Variants in RALA observed in about 807,000 individuals in gnomAD.
The protein encoded by RALA is RAS like proto-oncogene A.
Under a neutral mutation model 24.0 loss-of-function variants are expected in RALA, and 5 were observed. The ratio of observed to expected loss-of-function variants is 0.21; its 90% CI spans 0.11 to 0.44. RALA has a LOEUF of 0.44. Among genes scored for constraint, RALA ranks in the 20% least tolerant of loss-of-function variants. The pLI is 0.99. For synonymous variants in RALA, 77 were observed against 83.8 expected (o/e 0.92, Z 0.44); for missense variants, 95 against 241.2 (o/e 0.39, Z 4.01).
chr7:39,682,169 C>G (rs1300084932), intron 1 of RALA, among the ~76,000 whole-genome samples: 2 of 152,194 alleles, frequency 1.3e-5, no homozygotes, highest in African/African-American at 2.4e-5. Context: ...TTGTAAATAT[C>G]TGAAATGTAG....
chr7:39,634,690 TCGG>T, intron 1 of RALA, among the ~76,000 whole-genome samples: 1 of 152,230 alleles, frequency 6.6e-6, no homozygotes, highest in African/African-American at 2.4e-5. Flanking sequence ...AAGACAATTC[TCGG>T]TGCCTGCTAC....
intron 1 of RALA, among the ~76,000 whole-genome samples, chr7:39,635,072 A>G (rs930641786): frequency 2.6e-5 from 4 of 152,170 alleles, no homozygotes; most frequent in East Asian, 3.8e-4. Context: ...CAGTTTTGCC[A>G]GGTGTGGTGG....
intron 1 of RALA, among the ~76,000 whole-genome samples, chr7:39,674,271 T>C (rs1228261258): frequency 6.6e-6 from 1 of 152,170 alleles, no homozygotes; most frequent in African/African-American, 2.4e-5. Flanking sequence ...ACAGTTTCCA[T>C]GTGATTAAGT....
intron 1 of RALA, among the ~76,000 whole-genome samples, chr7:39,684,493 G>A (rs994764678): frequency 7.2e-5 from 11 of 151,882 alleles, no homozygotes; most frequent in African/African-American, 2.4e-4. Flanking sequence ...ACCTGAAGCC[G>A]CACCCAGTTC....
chr7:39,663,975 C>T (rs1583727405), intron 1 of RALA, among the ~76,000 whole-genome samples: 2 of 152,202 alleles, frequency 1.3e-5, no homozygotes, highest in East Asian at 3.8e-4. Flanking sequence ...GTCAAGATAA[C>T]ATGAGAAGCA....
chr7:39,700,085 C>T (rs753938670), intron 4 of RALA, among the ~76,000 whole-genome samples: 1 of 151,968 alleles, frequency 6.6e-6, no homozygotes, highest in Non-Finnish European at 1.5e-5. Flanking sequence ...GGAACCAATC[C>T]CCCATAGATA....
chr7:39,667,562 T>C (rs1285714397), intron 1 of RALA, among the ~76,000 whole-genome samples: 1 of 152,076 alleles, frequency 6.6e-6, no homozygotes, highest in Non-Finnish European at 1.5e-5. Flanking sequence ...CCCCACTGAG[T>C]CCTGAAGAGA....
intron 1 of RALA, among the ~76,000 whole-genome samples, chr7:39,674,683 A>G (rs908350282): frequency 6.6e-6 from 1 of 152,190 alleles, no homozygotes; most frequent in Non-Finnish European, 1.5e-5. Context: ...GAAGTGTTTC[A>G]AGATTTTTTT....
At chr7:39,666,520 G>A (rs1447759328) in intron 1 of RALA, among the ~76,000 whole-genome samples, 1 of 152,160 alleles carries the variant, frequency 6.6e-6, no homozygotes, top group Non-Finnish European at 1.5e-5. Flanking sequence ...TTTATATTCA[G>A]TGCCAAAGGG....
chr7:39,681,449 G>A (rs28429280), intron 1 of RALA, among the ~76,000 whole-genome samples: 1 of 151,102 alleles, frequency 6.6e-6, no homozygotes, highest in Admixed American at 6.6e-5. Context: ...CCTGCAAGTA[G>A]CTGGGATTAC....
At position 39,706,279 on chromosome 7, in the gene RALA, A is replaced by G. The variant is rs779316851; in HGVS notation, c.*34A>G. On this transcript the variant is annotated 3_prime_UTR_variant, in exon 5 of 5. Transcript: ENST00000005257. ...CAAACTCCTTTCTTATCTTGACCAT[A>G]CTAATAAATATAATTTATAAGCATT... The G allele has an allele frequency of 2.6e-6, 4 of 1,568,378 alleles. No homozygotes were observed. The highest frequency in any genetic ancestry group is 2.6e-6 in the Non-Finnish European group (3 of 1,162,818).
intron 4 of RALA, among the ~76,000 whole-genome samples, chr7:39,703,515 T>C (rs528945807): frequency 4.1e-4 from 62 of 152,350 alleles, no homozygotes; most frequent in African/African-American, 1.3e-3. Context: ...CTGACTTAAA[T>C]TTTATGCTTC....
chr7:39,653,774 C>G (rs970048997), intron 1 of RALA, among the ~76,000 whole-genome samples: 7 of 152,122 alleles, frequency 4.6e-5, no homozygotes, highest in Non-Finnish European at 1.0e-4. Context: ...CATTGTACTT[C>G]CAGGTGATAA....
chr7:39,679,860 G>A (rs943557561), intron 1 of RALA, among the ~76,000 whole-genome samples: 1 of 151,900 alleles, frequency 6.6e-6, no homozygotes, highest in Non-Finnish European at 1.5e-5. Context: ...ACAGCCGTGC[G>A]CCACCATGCC....
intron 1 of RALA, among the ~76,000 whole-genome samples, chr7:39,635,116 A>G (rs534292765): frequency 2.3e-4 from 35 of 152,284 alleles, no homozygotes; most frequent in Admixed American, 6.5e-4. Context: ...TTGGGCAGCC[A>G]AGGCAGGCAG....
At chr7:39,628,334 A>C (rs571207317) in intron 1 of RALA, among the ~76,000 whole-genome samples, 5 of 151,360 alleles carry the variant, frequency 3.3e-5, no homozygotes, top group Admixed American at 6.6e-5. Context: ...TCATTAGCCT[A>C]TTGTAAATTT....
At chr7:39,639,935 C>T (rs745810115) in intron 1 of RALA, among the ~76,000 whole-genome samples, 1 of 152,116 alleles carries the variant, frequency 6.6e-6, no homozygotes, top group Non-Finnish European at 1.5e-5. Flanking sequence ...TTCATTAAAA[C>T]CGAATCATGA....
chr7:39,624,061 C>T (rs1562603451), intron 1 of RALA: 1 of 152,004 alleles, frequency 6.6e-6, no homozygotes, highest in African/African-American at 2.4e-5. Context: ...GCGGAGAGGT[C>T]CCCTGCGCCC....
At chr7:39,698,962 T>C (rs537507682) in intron 4 of RALA, among the ~76,000 whole-genome samples, 1 of 152,112 alleles carries the variant, frequency 6.6e-6, no homozygotes, top group East Asian at 1.9e-4. Flanking sequence ...TGTCCTTTTT[T>C]TACCCGTCAC....
Sources: allele counts gnomAD v4.1 joint callset (sites outside exome capture counted in the v4.1 genomes callset), GRCh38; gene constraint gnomAD v4.1.1; transcripts MANE v1.5; gene names NCBI Gene and HGNC (gene_info 2026-07-23, HGNC 2026-07-21).